Variants in DCDC1 observed in about 807,000 individuals in gnomAD.
DCDC1 encodes doublecortin domain-containing protein 1.
In DCDC1, 200 loss-of-function variants were observed where a neutral mutation model predicts 178.3. That is an observed-to-expected ratio of 1.12 (90% CI 1.00 to 1.26). The LOEUF (loss-of-function observed/expected upper bound fraction) is 1.26. Ranked by LOEUF, DCDC1 falls within the 50% of genes most tolerant of loss-of-function variation. DCDC1 has a pLI of 0.00. For missense variants in DCDC1, 1,983 were observed against 1,749.2 expected (o/e 1.13, Z -2.38); for synonymous variants, 690 against 604.8 (o/e 1.14, Z -2.07).
At chr11:31,058,548 T>G (rs2135451263) in intron 20 of DCDC1, among the ~76,000 whole-genome samples, 1 of 152,126 alleles carries the variant, frequency 6.6e-6, no homozygotes, top group African/African-American at 2.4e-5. Context: ...GAAAAGGCCA[T>G]GAAGCCAGGG....
chr11:31,171,714 C>A (rs535416783), intron 9 of DCDC1, among the ~76,000 whole-genome samples: 2 of 152,140 alleles, frequency 1.3e-5, no homozygotes, highest in African/African-American at 2.4e-5. Context: ...TCACCAGGGA[C>A]TTTGTAGTAT....
intron 21 of DCDC1, among the ~76,000 whole-genome samples, chr11:30,934,461 T>C (rs1475744986): frequency 6.6e-6 from 1 of 152,138 alleles, no homozygotes; most frequent in African/African-American, 2.4e-5. Flanking sequence ...ATAATTGCCA[T>C]TGCTTGACTA....
At chr11:31,198,425 A>T (rs1970935514) in intron 9 of DCDC1, among the ~76,000 whole-genome samples, 1 of 152,170 alleles carries the variant, frequency 6.6e-6, no homozygotes, top group Non-Finnish European at 1.5e-5. Context: ...CAATAAAAAT[A>T]TTATGAATTC....
At chr11:30,883,379 C>A (rs1201040974) in intron 36 of DCDC1, 2 of 320,488 alleles carry the variant, frequency 6.2e-6, no homozygotes, top group South Asian at 2.7e-5. Context: ...AATGTCAAGA[C>A]ATCAGATATT....
At chr11:31,358,438 C>T in intron 1 of DCDC1, among the ~76,000 whole-genome samples, 1 of 151,824 alleles carries the variant, frequency 6.6e-6, no homozygotes, top group Non-Finnish European at 1.5e-5. Context: ...AAAATCAATT[C>T]AAGATGGATT....
At chr11:31,276,461 C>CT (rs1195081583) in intron 7 of DCDC1, among the ~76,000 whole-genome samples, 2 of 151,890 alleles carry the variant, frequency 1.3e-5, no homozygotes, top group Non-Finnish European at 2.9e-5. Context: ...GAAAGGGAAT[C>CT]TGTTTTTATA....
intron 10 of DCDC1, among the ~76,000 whole-genome samples, chr11:31,129,227 T>C (rs952302901): frequency 1.3e-5 from 2 of 152,162 alleles, no homozygotes; most frequent in Non-Finnish European, 2.9e-5. Context: ...TATGTATACA[T>C]ATAAATTTCA....
chr11:31,252,723 A>G (rs1249372945), intron 8 of DCDC1, among the ~76,000 whole-genome samples: 1 of 152,136 alleles, frequency 6.6e-6, no homozygotes, highest in African/African-American at 2.4e-5. Flanking sequence ...AATGATACAT[A>G]TTCAAATATA....
At chr11:30,887,961 C>T (rs1379148023) in intron 36 of DCDC1, among the ~76,000 whole-genome samples, 1 of 146,956 alleles carries the variant, frequency 6.8e-6, no homozygotes, top group African/African-American at 2.5e-5. Flanking sequence ...TGAGATCATG[C>T]CATTGCACTC....
intron 9 of DCDC1, among the ~76,000 whole-genome samples, chr11:31,150,121 T>C (rs899775065): frequency 6.6e-6 from 1 of 152,212 alleles, no homozygotes; most frequent in African/African-American, 2.4e-5. Context: ...ATTATGGCCA[T>C]TCTTCCAGAA....
At chr11:31,074,791 G>A (rs1956769554) in intron 18 of DCDC1, among the ~76,000 whole-genome samples, 1 of 152,130 alleles carries the variant, frequency 6.6e-6, no homozygotes, top group Non-Finnish European at 1.5e-5. Flanking sequence ...GGCTGTGAGA[G>A]TTTGAAAAAG....
chr11:31,339,692 T>C (rs1272955782), intron 1 of DCDC1, among the ~76,000 whole-genome samples: 2 of 152,190 alleles, frequency 1.3e-5, no homozygotes, highest in African/African-American at 4.8e-5. Flanking sequence ...TATGGGAAAT[T>C]GTACTTCAGA....
At position 31,276,771 on chromosome 11, in the gene DCDC1, T is replaced by C. The variant is rs1416405688; in HGVS notation, c.961-11171A>G. Among the ~76,000 whole-genome samples, 3 of 152,262 alleles carry C rather than the reference T, an allele frequency of 2.0e-5. No homozygotes were observed. The East Asian group carries it at 5.8e-4, about 29-fold the overall frequency. ...TAAGTGAAAGAATGTACACCAAATC[T>C]AGTTATTTGCTTGCACTAGTAATGA... On this transcript the variant is annotated intron_variant, in intron 7 of 38. Transcript: ENST00000684477.
chr11:31,176,437 T>C (rs1207923314), intron 9 of DCDC1, among the ~76,000 whole-genome samples: 1 of 152,134 alleles, frequency 6.6e-6, no homozygotes, highest in African/African-American at 2.4e-5. Context: ...ATTATAGGAA[T>C]ACCAGTGGGA....
Position 30,903,485 on chromosome 11 carries a change from C to T in DCDC1, c.4507G>A (p.Glu1503Lys). 4 of 1,592,078 alleles carry T rather than the reference C, an allele frequency of 2.5e-6. No homozygotes were observed. The African/African-American group carries it at 5.4e-5, about 21-fold the overall frequency. ...AATGCTGTAGATTGTAGCCAACCTT[C>T]CATACTTTCAACAATTATCTGTTCT... ...GKEQIIVESM[E>K]ENPRMKVKNR... The change falls in exon 32 of 39, where the codon GAA (glutamate) becomes AAA (lysine). Residue 1503 changes from glutamate to lysine, a missense_variant. Coordinates refer to ENST00000684477, the MANE Select transcript of DCDC1 (RefSeq NM_001387274.1).
chr11:30,893,590 G>A (rs545009656), intron 35 of DCDC1, among the ~76,000 whole-genome samples: 2 of 152,206 alleles, frequency 1.3e-5, no homozygotes, highest in South Asian at 4.2e-4. Flanking sequence ...TTATTTCTAG[G>A]GATGTCAATT....
At chr11:31,098,355 T>C (rs1022899327) in intron 15 of DCDC1, among the ~76,000 whole-genome samples, 1 of 152,192 alleles carries the variant, frequency 6.6e-6, no homozygotes, top group African/African-American at 2.4e-5. Flanking sequence ...ATTCACCAAA[T>C]TGTCAATGTG....
At chr11:31,142,220 G>C (rs1005707222) in intron 9 of DCDC1, among the ~76,000 whole-genome samples, 1 of 152,168 alleles carries the variant, frequency 6.6e-6, no homozygotes, top group African/African-American at 2.4e-5. Context: ...GGAATTAAGA[G>C]TGGCCACACA....
chr11:31,236,846 T>G (rs1424920832), intron 9 of DCDC1, among the ~76,000 whole-genome samples: 2 of 152,004 alleles, frequency 1.3e-5, no homozygotes, highest in Admixed American at 6.6e-5. Flanking sequence ...TGTTAAAAAC[T>G]GAAATATTTT....
Sources: gnomAD v4.1 joint callset for allele counts (sites outside exome capture counted in the v4.1 genomes callset) on GRCh38, gnomAD v4.1.1 for gene constraint, MANE v1.5 for transcripts, NCBI Gene and HGNC (gene_info 2026-07-23, HGNC 2026-07-21) for gene names.